Variants in RASAL2 observed in about 807,000 individuals in gnomAD.
The protein encoded by RASAL2 is ras GTPase-activating protein nGAP.
Under a neutral mutation model 128.9 loss-of-function variants are expected in RASAL2, and 58 were observed. The ratio of observed to expected loss-of-function variants is 0.45; its 90% CI spans 0.36 to 0.56. The LOEUF (loss-of-function observed/expected upper bound fraction) is 0.56. Ranked by LOEUF, RASAL2 falls within the 20% of genes least tolerant of loss-of-function variation. RASAL2 has a pLI of 0.00. For missense variants in RASAL2, 1,360 were observed against 1,601.6 expected, an observed-to-expected ratio of 0.85 and a Z score of 2.57; for synonymous variants, 561 against 580.8, an observed-to-expected ratio of 0.97 and a Z score of 0.49.
intron 1 of RASAL2, among the ~76,000 whole-genome samples, chr1:178,186,831 G>A (rs1336328230): frequency 6.7e-6 from 1 of 149,976 alleles, no homozygotes; most frequent in Non-Finnish European, 1.5e-5. Flanking sequence ...TTCTTTTTTT[G>A]GGGGGTTGGG....
intron 3 of RASAL2, among the ~76,000 whole-genome samples, chr1:178,305,428 A>C (rs1044594692): frequency 6.6e-6 from 1 of 152,164 alleles, no homozygotes; most frequent in African/African-American, 2.4e-5. Flanking sequence ...CCAAAATAGC[A>C]CGGCACAGGC....
At chr1:178,368,945 C>G (rs1042603228) in intron 3 of RASAL2, among the ~76,000 whole-genome samples, 1 of 152,008 alleles carries the variant, frequency 6.6e-6, no homozygotes, top group African/African-American at 2.4e-5. Flanking sequence ...TTCTGACAGC[C>G]CTATTTACAG....
chr1:178,104,095 T>C (rs1659004493), intron 1 of RASAL2, among the ~76,000 whole-genome samples: 1 of 152,198 alleles, frequency 6.6e-6, no homozygotes. Flanking sequence ...TCTCTTGGTT[T>C]ATCTAGTACT....
chr1:178,312,575 T>C (rs773674490), intron 3 of RASAL2, among the ~76,000 whole-genome samples: 1 of 152,056 alleles, frequency 6.6e-6, no homozygotes, highest in Non-Finnish European at 1.5e-5. Flanking sequence ...GGACAGGAGA[T>C]CTAGCACAGG....
intron 1 of RASAL2, among the ~76,000 whole-genome samples, chr1:178,197,552 T>G (rs1662701878): frequency 6.9e-6 from 1 of 144,204 alleles, no homozygotes; most frequent in South Asian, 2.2e-4. Flanking sequence ...GAGGCTGCAG[T>G]GAGCCAAGAT....
In RASAL2 at chr1:178,473,204, A is replaced by G; in HGVS notation, c.3808A>G (p.Thr1270Ala). 1.2e-6 allele frequency: 2 copies of G among 1,614,174 alleles called. No homozygotes were observed. Residue 1270 changes from threonine (T) to alanine (A), a missense_variant, in exon 18 of 18, where the codon ACG becomes GCG. Transcript: ENST00000367649. ...CACCAACCCCACCAAGCTTTCCATC[A>G]CGGAGAATGGTGAATTCAAAAACAG... is the stretch of plus-strand genomic sequence containing the variant. ...SPTNPTKLSITENGEFKNSSC is the reference protein window; with the variant it reads ...SPTNPTKLSIAENGEFKNSSC
intron 3 of RASAL2, among the ~76,000 whole-genome samples, chr1:178,384,299 T>C (rs1327375361): frequency 1.3e-5 from 2 of 152,212 alleles, no homozygotes; most frequent in Non-Finnish European, 2.9e-5. Flanking sequence ...TAGTTTCTTA[T>C]ATAATTGTTC....
intron 1 of RASAL2, among the ~76,000 whole-genome samples, chr1:178,193,034 C>G (rs1662543378): frequency 6.6e-6 from 1 of 151,928 alleles, no homozygotes; most frequent in Non-Finnish European, 1.5e-5. Flanking sequence ...AACAAAGGCT[C>G]TTAGTAGGGT....
chr1:178,384,657 A>C (rs1172195192), intron 3 of RASAL2, among the ~76,000 whole-genome samples: 1 of 149,652 alleles, frequency 6.7e-6, no homozygotes, highest in East Asian at 2.0e-4. Flanking sequence ...GACTGAGTCC[A>C]TGTCTCAAAA....
intron 1 of RASAL2, among the ~76,000 whole-genome samples, chr1:178,135,645 A>T (rs1052061701): frequency 1.3e-5 from 2 of 152,174 alleles, no homozygotes; most frequent in African/African-American, 4.8e-5. Flanking sequence ...TACATATACT[A>T]TTGTATTAGT....
intron 4 of RASAL2, among the ~76,000 whole-genome samples, chr1:178,394,517 A>G (rs1673102598): frequency 1.3e-5 from 2 of 152,170 alleles, no homozygotes; most frequent in Non-Finnish European, 2.9e-5. Flanking sequence ...GATTTGTTTA[A>G]TCACTTCTAC....
intron 1 of RASAL2, among the ~76,000 whole-genome samples, chr1:178,227,494 TC>T (rs1360418758): frequency 6.6e-6 from 1 of 152,164 alleles, no homozygotes; most frequent in Non-Finnish European, 1.5e-5. Flanking sequence ...ACTACACACT[TC>T]CCTAACACCT....
chr1:178,119,747 G>A (rs916903482), intron 1 of RASAL2, among the ~76,000 whole-genome samples: 80 of 152,294 alleles, frequency 5.3e-4, no homozygotes, highest in African/African-American at 1.9e-3. Context: ...TTGCCTTGTT[G>A]TCAACATCGG....
intron 4 of RASAL2, among the ~76,000 whole-genome samples, chr1:178,395,387 A>G (rs1673149211): frequency 6.6e-6 from 1 of 152,172 alleles, no homozygotes; most frequent in Non-Finnish European, 1.5e-5. Flanking sequence ...TGACATAAGA[A>G]ACTAAGAAGC....
At chr1:178,278,318 T>C (rs1666622764) in intron 1 of RASAL2, among the ~76,000 whole-genome samples, 1 of 152,136 alleles carries the variant, frequency 6.6e-6, no homozygotes, top group Non-Finnish European at 1.5e-5. Context: ...GGGCAAGTCA[T>C]CTCTGTAACC....
chr1:178,276,714 G>C (rs902062963), intron 1 of RASAL2, among the ~76,000 whole-genome samples: 11 of 151,904 alleles, frequency 7.2e-5, no homozygotes, highest in African/African-American at 2.7e-4. Flanking sequence ...TCATCTCCAC[G>C]TAACAACTCT....
intron 3 of RASAL2, among the ~76,000 whole-genome samples, chr1:178,328,488 T>A (rs1669142962): frequency 6.6e-6 from 1 of 152,206 alleles, no homozygotes; most frequent in Non-Finnish European, 1.5e-5. Flanking sequence ...AAATATTAGA[T>A]CTTACTTATT....
chr1:178,178,233 T>C (rs1191584053), intron 1 of RASAL2, among the ~76,000 whole-genome samples: 1 of 152,098 alleles, frequency 6.6e-6, no homozygotes, highest in Admixed American at 6.5e-5. Flanking sequence ...TGTACCAACT[T>C]AAAACAAAGA....
chr1:178,132,909 C>T (rs1025913024), intron 1 of RASAL2, among the ~76,000 whole-genome samples: 1 of 151,924 alleles, frequency 6.6e-6, no homozygotes, highest in Non-Finnish European at 1.5e-5. Context: ...GCTGGGACCG[C>T]AGGTATGTGC....
Sources: gnomAD v4.1 joint callset for allele counts (sites outside exome capture counted in the v4.1 genomes callset) on GRCh38, gnomAD v4.1.1 for gene constraint, MANE v1.5 for transcripts, NCBI Gene and HGNC (gene_info 2026-07-23, HGNC 2026-07-21) for gene names.